The following F11 variants were observed in gnomAD, a reference collection of about 807,000 sequenced individuals.
The protein encoded by F11 is coagulation factor XI, also known as coagualtion factor XI.
In F11, 78 loss-of-function variants were observed where a neutral mutation model predicts 76.5. The ratio of observed to expected loss-of-function variants is 1.02; its 90% CI spans 0.85 to 1.23. The LOEUF (loss-of-function observed/expected upper bound fraction) is 1.23, where lower values mean the gene tolerates loss of function less well. F11 is among the 50% of genes most tolerant of loss of function. F11 has a pLI of 0.00. For missense variants in F11, 742 were observed against 771.4 expected (o/e 0.96, Z 0.45); for synonymous variants, 278 against 276.3 (o/e 1.01, Z -0.06).
chr4:186,289,836 C>T (rs4253434), downstream of F11, among the ~76,000 whole-genome samples: 60,529 of 151,846 alleles, frequency 0.4, 12,729 homozygotes, highest in Middle Eastern at 0.54. Context: ...GCACATGCCA[C>T]CATGCCCGGC....
At chr4:186,287,637 T>C (rs1172546122) in intron 13 of F11, 47 bp from the exon 14 acceptor site, 1 of 1,338,042 alleles carries the variant, frequency 7.5e-7, no homozygotes, top group African/African-American at 1.5e-5. Flanking sequence ...TGTTTATGTG[T>C]ATTGTGTATG....
At chr4:186,276,168 G>A in intron 6 of F11, 63 bp from the exon 7 acceptor site, 3 of 1,598,190 alleles carry the variant, frequency 1.9e-6, no homozygotes, top group Admixed American at 1.7e-5. Context: ...TACACATACT[G>A]TGACCGGAAT....
chr4:186,285,183 G>GA (rs2126777283), intron 11 of F11, among the ~76,000 whole-genome samples: 1 of 152,236 alleles, frequency 6.6e-6, no homozygotes, highest in East Asian at 1.9e-4. Context: ...TCAATCTGCA[G>GA]CACACTCATG....
At chr4:186,273,227 T>C (rs1258600957) in intron 4 of F11, 50 bp downstream of exon 4, 21 of 1,358,820 alleles carry the variant, frequency 1.5e-5, no homozygotes, top group Non-Finnish European at 2.1e-5. Flanking sequence ...TGTACACATA[T>C]CGCCACATCG....
chr4:186,287,899 T>C, intron 14 of F11, 76 bp downstream of exon 14: 1 of 1,545,970 alleles, frequency 6.5e-7, no homozygotes, highest in Admixed American at 1.7e-5. Flanking sequence ...TTGTTTGTTT[T>C]GTTTTTTTTG....
intron 7 of F11, among the ~76,000 whole-genome samples, chr4:186,278,250 GT>G (rs1740527965): frequency 6.6e-6 from 1 of 152,172 alleles, no homozygotes; most frequent in Non-Finnish European, 1.5e-5. Flanking sequence ...ATGAAAAGTT[GT>G]CCTCCAGACA....
chr4:186,270,633 G>A (rs4241824), intron 2 of F11, among the ~76,000 whole-genome samples: 83,056 of 150,790 alleles, frequency 0.55, 23,225 homozygotes, highest in East Asian at 0.78. Flanking sequence ...ATATTCTAAG[G>A]AAATTAGTGC....
rs971417120 is a variant in F11, at chr4:186,288,622, C to T, written c.*8C>T. The T allele has an allele frequency of 2.3e-5, 37 of 1,612,732 alleles. No homozygotes were observed. Among genetic ancestry groups the T allele is most frequent in the Non-Finnish European group, 3.0e-5 (35 of 1,179,342 alleles). ...AAAACTCAAGCAGTGTGAATGGGTT[C>T]CCAGGGGCCATTGGAGTCCCTGAAG... On this transcript the variant is annotated 3_prime_UTR_variant, in exon 15 of 15. Transcript: ENST00000403665.
At position 186,276,335 on chromosome 4, in the gene F11, C is replaced by T; in HGVS notation, c.700C>T (p.Pro234Ser). The change falls in exon 7 of 15, where the codon CCC becomes TCC. Residue 234 changes from proline to serine, a missense_variant. Physicochemically the swap from Pro to Ser is moderately conservative, Grantham distance 74 (BLOSUM62 -1). Transcript: ENST00000403665. ...FVCGRICTHH[P>S]GCLFFTFFSQ... ...CTGTGGCCGAATCTGCACTCATCAT[C>T]CCGGTTGCTTGTTTTTTACCTTCTT... 2 of 1,614,066 alleles carry T rather than the reference C, an allele frequency of 1.2e-6. No homozygotes were observed. Among genetic ancestry groups the T allele is most frequent in the Non-Finnish European group, 1.7e-6 (2 of 1,180,016 alleles).
downstream of F11, among the ~76,000 whole-genome samples, chr4:186,290,348 G>A (rs945214685): frequency 6.6e-6 from 1 of 151,956 alleles, no homozygotes; most frequent in Non-Finnish European, 1.5e-5. Flanking sequence ...ATAAAATGAC[G>A]GTAGGACATG....
chr4:186,288,284 A>C (rs1741364985), intron 14 of F11, 169 bp from the exon 15 acceptor site: 2 of 788,172 alleles, frequency 2.5e-6, no homozygotes, highest in Non-Finnish European at 4.3e-6. Flanking sequence ...ACTTAGACTG[A>C]AATCAAAAGC....
chr4:186,284,270 A>G lies in F11; in HGVS notation c.1304+10A>G. On this transcript the variant is annotated intron_variant, in intron 11 of 14. Transcript: ENST00000403665. ...CTCACTGTTTCTATGGGTCAGTACC[A>G]CGGCTGTTTTTATTAGTTCATCTTC... is the stretch of plus-strand genomic sequence containing the variant. 3.1e-6 allele frequency: 5 copies of G among 1,607,382 alleles called. No individual in the cohort carries two copies. The highest frequency in any genetic ancestry group is 4.3e-6 in the Non-Finnish European group (5 of 1,174,492).
chr4:186,272,713 A>G (rs1740071256), intron 3 of F11, among the ~76,000 whole-genome samples: 1 of 152,268 alleles, frequency 6.6e-6, no homozygotes, highest in Admixed American at 6.5e-5. Flanking sequence ...AGCCAAGGAT[A>G]TTATTTAAGT....
At chr4:186,283,027 G>T (rs1740910915) in intron 10 of F11, 2 of 985,244 alleles carry the variant, frequency 2.0e-6, no homozygotes, top group Admixed American at 6.2e-5. Flanking sequence ...TCAGGACGCG[G>T]AGCCTTCTGA....
At chr4:186,267,093 T>C in intron 1 of F11, 43 bp from the exon 2 acceptor site, 3 of 1,296,450 alleles carry the variant, frequency 2.3e-6, no homozygotes, top group Middle Eastern at 2.0e-4. Context: ...ATTATAAATT[T>C]ACATTTTATG....
chr4:186,287,238 T>G (rs928871008), intron 13 of F11, among the ~76,000 whole-genome samples: 12 of 151,814 alleles, frequency 7.9e-5, no homozygotes, highest in African/African-American at 2.7e-4. Flanking sequence ...CCTTCCAAAG[T>G]GCTGGAATTA....
chr4:186,277,627 A>G (rs1740482052), intron 7 of F11, among the ~76,000 whole-genome samples: 1 of 152,156 alleles, frequency 6.6e-6, no homozygotes. Context: ...GGAGAGAGAG[A>G]GAGAGGTGGA....
rs1284709305 is a variant in F11 at position 186,289,277 on chromosome 4, C to T, written c.*663C>T. On this transcript the variant is annotated 3_prime_UTR_variant, in exon 15 of 15. Coordinates refer to ENST00000403665, the MANE Select transcript of F11 (RefSeq NM_000128.4). ...TTACCTGGAAGTGATACCTTAGGGGCAATCTTGAAGATACACTTTCCTGAA... is the reference window on the plus strand; with the variant it reads ...TTACCTGGAAGTGATACCTTAGGGGTAATCTTGAAGATACACTTTCCTGAA... Among the ~76,000 whole-genome samples, 1 of 152,082 alleles carries T rather than the reference C, an allele frequency of 6.6e-6. No individual in the cohort carries two copies. The highest frequency in any genetic ancestry group is 2.4e-5 in the African/African-American group (1 of 41,416).
At chr4:186,286,540 T>C in intron 13 of F11, 30 bp downstream of exon 13, 1 of 1,611,890 alleles carries the variant, frequency 6.2e-7, no homozygotes, top group Non-Finnish European at 8.5e-7. Context: ...ATGTGCTCCA[T>C]CCTAGAAATG....
Sources: gnomAD v4.1 joint callset for allele counts (sites outside exome capture counted in the v4.1 genomes callset) on GRCh38, gnomAD v4.1.1 for gene constraint, MANE v1.5 for transcripts, NCBI Gene and HGNC (gene_info 2026-07-23, HGNC 2026-07-21) for gene names.